The following ARIH2 variants were observed in gnomAD, a reference collection of about 807,000 sequenced individuals.
ARIH2 encodes ariadne RBR E3 ubiquitin protein ligase 2.
In ARIH2, 12 loss-of-function variants were observed where a neutral mutation model predicts 79.8. That is an observed-to-expected ratio of 0.15 (90% CI 0.10 to 0.24). ARIH2 has a LOEUF of 0.24. Ranked by LOEUF, ARIH2 falls within the 10% of genes least tolerant of loss-of-function variation. The pLI is 1.00. For missense variants in ARIH2, 301 were observed against 618.3 expected, an observed-to-expected ratio of 0.49 and a Z score of 5.44; for synonymous variants, 224 against 213.9, an observed-to-expected ratio of 1.05 and a Z score of -0.41.
intron 3 of ARIH2, among the ~76,000 whole-genome samples, chr3:48,954,284 G>A (rs960521740): frequency 2.6e-5 from 4 of 151,266 alleles, no homozygotes; most frequent in Non-Finnish European, 5.9e-5. Flanking sequence ...TGAAACCCCC[G>A]TCTCTACTAA....
At chr3:48,922,235 A>G (rs925651945) in intron 1 of ARIH2, 1 of 152,168 alleles carries the variant, frequency 6.6e-6, no homozygotes, top group African/African-American at 2.4e-5. Context: ...AACAAACAAA[A>G]AAAAGAAGTG....
Position 48,970,480 on chromosome 3 carries a change from C to T in ARIH2, c.661-115C>T, listed in dbSNP as rs2092157447. On this transcript the variant is annotated intron_variant, in intron 7 of 15. Transcript: ENST00000356401. ...ACATCCTTTCTGAATTTATATAGCC[C>T]CTTCGTATAAGTCATCAGCTGGGAG... 27 of 694,270 alleles carry T rather than the reference C, an allele frequency of 3.9e-5. 1 individual carries two copies. In the South Asian group the frequency reaches 4.1e-4, roughly 10 times the overall value. The allele number at this position is 694,270 out of a possible 1,614,324, so 43.0% of individuals were successfully genotyped here. A position where few individuals can be genotyped will look rare whatever the true frequency, so the allele number is the denominator to read the frequency against.
chr3:48,941,254 A>G (rs2088170617), intron 3 of ARIH2, among the ~76,000 whole-genome samples: 2 of 152,132 alleles, frequency 1.3e-5, no homozygotes, highest in Admixed American at 1.3e-4. Context: ...TTGGAACCAC[A>G]GTGAAGAAAA....
rs868584904 is a variant in ARIH2 at position 48,978,463 on chromosome 3, G to A, written c.962-1019G>A. Reference sequence around the variant, plus strand: ...TGTGTGTGTGTGTGTGTGTGTGTGTGTGTATATATATATATATATATTTTT... The same window carrying A: ...TGTGTGTGTGTGTGTGTGTGTGTGTATGTATATATATATATATATATTTTT... On this transcript the variant is annotated intron_variant, in intron 11 of 15. Coordinates refer to ENST00000356401, the MANE Select transcript of ARIH2 (RefSeq NM_006321.4). 9.7e-3 allele frequency among the ~76,000 whole-genome samples: 751 copies of A among 77,378 alleles called. 3 individuals are homozygous for A. The highest frequency in any genetic ancestry group is 0.033 in the East Asian group (31 of 948). The allele number at this position is 77,378 out of a possible 152,430, so 50.8% of individuals were successfully genotyped here.
chr3:48,968,472 G>A, intron 6 of ARIH2, 62 bp from the exon 7 acceptor site: 1 of 1,547,860 alleles, frequency 6.5e-7, no homozygotes, highest in Non-Finnish European at 8.8e-7. Flanking sequence ...GCCTCCCAAA[G>A]TGCTGGGATT....
At position 48,967,196 on chromosome 3, in the gene ARIH2, T is replaced by C. The variant is rs1272669426; in HGVS notation, c.459T>C (p.Ser153=). ...MQFVRKENLL[S]LACQHQFCRS... ...TTGTGCGAAAGGAAAACCTACTCTC[T>C]CTGGCCTGTCAGCACCAGTTTTGCC... is the stretch of plus-strand genomic sequence containing the variant. The change falls in exon 6 of 16, where the codon TCT becomes TCC. Residue 153 remains serine, a synonymous_variant. Transcript: ENST00000356401. 4 of 1,614,224 alleles carry C rather than the reference T, an allele frequency of 2.5e-6. No homozygotes were observed. In the East Asian group the frequency reaches 6.7e-5, roughly 27 times the overall value.
At chr3:48,953,653 G>A (rs1332514243) in intron 3 of ARIH2, among the ~76,000 whole-genome samples, 1 of 151,840 alleles carries the variant, frequency 6.6e-6, no homozygotes, top group Non-Finnish European at 1.5e-5. Flanking sequence ...CGCCCACCTG[G>A]CCTCCCAAAG....
At chr3:48,928,108 G>A (rs545651713) in intron 3 of ARIH2, among the ~76,000 whole-genome samples, 1 of 152,168 alleles carries the variant, frequency 6.6e-6, no homozygotes, top group Non-Finnish European at 1.5e-5. Context: ...AACTTTGCAC[G>A]TTTCAGGAAG....
At chr3:48,956,201 C>T (rs2090551537) in intron 3 of ARIH2, among the ~76,000 whole-genome samples, 1 of 151,416 alleles carries the variant, frequency 6.6e-6, no homozygotes, top group South Asian at 2.1e-4. Context: ...TGCAGTGGTA[C>T]CATGTCGGCT....
chr3:48,943,703 T>C (rs971987831), intron 3 of ARIH2, among the ~76,000 whole-genome samples: 3 of 152,196 alleles, frequency 2.0e-5, no homozygotes, highest in African/African-American at 4.8e-5. Flanking sequence ...AAGCAGTCGA[T>C]GAGGTAGTAG....
chr3:48,962,685 G>A (rs2091397305), intron 4 of ARIH2, among the ~76,000 whole-genome samples: 1 of 152,110 alleles, frequency 6.6e-6, no homozygotes, highest in Admixed American at 6.6e-5. Context: ...TGAATTGTAG[G>A]ATGTCTGGCA....
At chr3:48,938,537 A>G (rs1050379685) in intron 3 of ARIH2, among the ~76,000 whole-genome samples, 4 of 152,244 alleles carry the variant, frequency 2.6e-5, no homozygotes, top group African/African-American at 9.6e-5. Flanking sequence ...ATAAAATTCT[A>G]GAAAATGCAA....
At chr3:48,957,102 A>G (rs989260791) in intron 3 of ARIH2, among the ~76,000 whole-genome samples, 7 of 152,206 alleles carry the variant, frequency 4.6e-5, no homozygotes, top group African/African-American at 1.7e-4. Flanking sequence ...AGTGGTAGGC[A>G]TATCTCCCTT....
chr3:48,975,030 GGTCTCC>G (rs2092426566), intron 11 of ARIH2, 51 bp downstream of exon 11: 1 of 1,613,914 alleles, frequency 6.2e-7, no homozygotes, highest in Admixed American at 1.7e-5. Context: ...CTTGTGGTTG[GGTCTCC>G]GTTACTATTT....
rs779542145 is a variant in ARIH2, at chr3:48,980,435, A to G, written c.1196A>G (p.Asn399Ser). ...GAGAAGATTCAGGAGAGGGTCATGA[A>G]CAATCTGGGGACATGGATCGACTGG... ...IHEKIQERVM[N>S]NLGTWIDWQY... The change falls in exon 13 of 16, where the codon AAC becomes AGC. Residue 399 changes from asparagine (N) to serine (S), a missense_variant. Asn to Ser is a conservative substitution (Grantham distance 46). Transcript: ENST00000356401. 5 of 1,614,198 alleles carry G rather than the reference A, an allele frequency of 3.1e-6. No individual in the cohort carries two copies. The highest frequency in any genetic ancestry group is 4.2e-6 in the Non-Finnish European group (5 of 1,180,034).
At chr3:48,926,402 G>A (rs2085619095) in intron 2 of ARIH2, among the ~76,000 whole-genome samples, 1 of 151,916 alleles carries the variant, frequency 6.6e-6, no homozygotes, top group African/African-American at 2.4e-5. Context: ...CAAGTAGCTG[G>A]GATTACAGGT....
rs2085830577 is a variant in ARIH2, at chr3:48,927,748, T to C, written c.190T>C (p.Leu64=). Residue 64 remains leucine, a synonymous_variant, in exon 3 of 16, where the codon TTG becomes CTG. Coordinates refer to ENST00000356401, the MANE Select transcript of ARIH2 (RefSeq NM_006321.4). ...TCCCGAGGAGTACCAGTTCACTTGC[T>C]TGACCTACAAGGAATCTGAGGGTGC... The part of the protein sequence containing the change: ...FDPEEYQFTC[L]TYKESEGALN... The C allele has an allele frequency of 6.2e-7, 1 of 1,614,224 alleles. No individual in the cohort carries two copies. Among genetic ancestry groups the C allele is most frequent in the Non-Finnish European group, 8.5e-7 (1 of 1,180,032 alleles).
chr3:48,929,607 G>A (rs1463607996), intron 3 of ARIH2, among the ~76,000 whole-genome samples: 1 of 152,116 alleles, frequency 6.6e-6, no homozygotes, highest in Non-Finnish European at 1.5e-5. Flanking sequence ...GTTATGTACT[G>A]CAGTCTTCTG....
chr3:48,964,026 TA>T (rs544092970), intron 4 of ARIH2, among the ~76,000 whole-genome samples: 33 of 152,104 alleles, frequency 2.2e-4, no homozygotes, highest in African/African-American at 7.2e-4. Flanking sequence ...TTTTTATTTT[TA>T]TTTTTATTTT....
Sources: gnomAD v4.1 joint callset for allele counts (sites outside exome capture counted in the v4.1 genomes callset) on GRCh38, gnomAD v4.1.1 for gene constraint, MANE v1.5 for transcripts, NCBI Gene and HGNC (gene_info 2026-07-23, HGNC 2026-07-21) for gene names.